The following DLGAP2 variants were observed in gnomAD, a reference collection of about 807,000 sequenced individuals.
The protein encoded by DLGAP2 is disks large-associated protein 2.
A neutral mutation model predicts 100.3 loss-of-function variants in DLGAP2; 26 were observed. The ratio of observed to expected loss-of-function variants is 0.26; its 90% CI spans 0.19 to 0.36. The LOEUF is 0.36. Among genes scored for constraint, DLGAP2 ranks in the 10% least tolerant of loss-of-function variants. The probability of loss-of-function intolerance (pLI) is 1.00; values close to 1 mark genes in which losing one functional copy is unlikely to be tolerated. For missense variants in DLGAP2, 1,858 were observed against 1,453.2 expected, an observed-to-expected ratio of 1.28 and a Z score of -4.53; for synonymous variants, 886 against 630.1, an observed-to-expected ratio of 1.41 and a Z score of -6.08.
chr8:1,379,576 C>G (rs1349281920), intron 3 of DLGAP2: 2 of 152,216 alleles, frequency 1.3e-5, no homozygotes, highest in African/African-American at 2.4e-5. Context: ...AGAACCGTAA[C>G]CGCTGTCATC....
intron 6 of DLGAP2, among the ~76,000 whole-genome samples, chr8:1,582,877 G>A (rs1381927047): frequency 4.6e-5 from 7 of 152,138 alleles, no homozygotes; most frequent in Admixed American, 4.6e-4. Flanking sequence ...AGTTCTTTAA[G>A]CATGGCTCTG....
At chr8:911,077 C>T (rs1224942146) in intron 2 of DLGAP2, among the ~76,000 whole-genome samples, 2 of 152,060 alleles carry the variant, frequency 1.3e-5, no homozygotes, top group African/African-American at 2.4e-5. Context: ...CATGACGAGT[C>T]GCTGTTTTCT....
At chr8:1,221,983 C>T (rs1328269136) in intron 2 of DLGAP2, among the ~76,000 whole-genome samples, 3 of 152,166 alleles carry the variant, frequency 2.0e-5, no homozygotes, top group African/African-American at 4.8e-5. Flanking sequence ...TGTCGTTCAA[C>T]TGTTGGACCA....
At chr8:1,023,525 G>A (rs1339916852) in intron 2 of DLGAP2, among the ~76,000 whole-genome samples, 1 of 152,152 alleles carries the variant, frequency 6.6e-6, no homozygotes, top group Admixed American at 6.5e-5. Flanking sequence ...AGCAACAAGC[G>A]AGTTACTGAG....
chr8:1,509,152 A>G (rs1396228169), intron 4 of DLGAP2, among the ~76,000 whole-genome samples: 1 of 151,930 alleles, frequency 6.6e-6, no homozygotes, highest in East Asian at 1.9e-4. Context: ...CTAAAGCTGT[A>G]AAACCCCGTC....
At chr8:1,576,286 A>G (rs1160262135) in intron 6 of DLGAP2, among the ~76,000 whole-genome samples, 2 of 152,188 alleles carry the variant, frequency 1.3e-5, no homozygotes, top group Admixed American at 1.3e-4. Context: ...GTGTCTGTTC[A>G]TGTCCTTCGC....
chr8:996,100 C>T (rs994844130), intron 2 of DLGAP2, among the ~76,000 whole-genome samples: 1 of 152,134 alleles, frequency 6.6e-6, no homozygotes, highest in African/African-American at 2.4e-5. Flanking sequence ...TTCCTCAGAC[C>T]AGTATGCTGT....
chr8:1,481,748 G>T (rs1482545253), intron 3 of DLGAP2, among the ~76,000 whole-genome samples: 3 of 152,120 alleles, frequency 2.0e-5, no homozygotes, highest in African/African-American at 7.2e-5. Flanking sequence ...AAAGTTCTGG[G>T]ATTACAGGCA....
Position 1,676,595 on chromosome 8 carries a change from G to T in DLGAP2, c.2265G>T (p.Gly755=), listed in dbSNP as rs767793627. The T allele has an allele frequency of 8.1e-6, 13 of 1,613,050 alleles. No individual in the cohort carries two copies. In the African/African-American group the frequency reaches 9.3e-5, roughly 12 times the overall value. ...GTCTGCGGGAATACCACTCTGTCGG[G>T]GTGCAAGTGGAAGATGAGAAGCGGT... ...SRGLREYHSV[G]VQVEDEKRHG... Residue 755 remains glycine, a synonymous_variant, in exon 11 of 15, where the codon GGG becomes GGT. Transcript: ENST00000637795.
intron 5 of DLGAP2, among the ~76,000 whole-genome samples, chr8:1,553,666 C>G (rs915629481): frequency 6.6e-6 from 1 of 152,244 alleles, no homozygotes; most frequent in African/African-American, 2.4e-5. Flanking sequence ...TGCTCCCGCC[C>G]TCTGCAGCCG....
chr8:1,478,590 C>T (rs1051310056), intron 3 of DLGAP2, among the ~76,000 whole-genome samples: 1 of 152,150 alleles, frequency 6.6e-6, no homozygotes, highest in African/African-American at 2.4e-5. Context: ...TGGTCCGGGA[C>T]GCGGCACCTG....
rs1243201227 is a variant in DLGAP2 at position 1,192,033 on chromosome 8, C to T, written c.74-66818C>T. 3.9e-5 allele frequency among the ~76,000 whole-genome samples: 6 copies of T among 152,326 alleles called. No homozygotes were observed. The East Asian group carries it at 9.6e-4, about 24-fold the overall frequency. ...GTTCCGGTTACCTTGTATGACTGGA[C>T]ATTCGTAGCCGCTGCCAGCCTCCCA... is the stretch of plus-strand genomic sequence containing the variant. On this transcript the variant is annotated intron_variant, in intron 2 of 14. Transcript: ENST00000637795.
intron 2 of DLGAP2, among the ~76,000 whole-genome samples, chr8:1,057,160 C>G (rs1265795044): frequency 1.3e-5 from 2 of 152,182 alleles, no homozygotes; most frequent in African/African-American, 4.8e-5. Flanking sequence ...TGTGAGAATA[C>G]TTTTTACCCT....
chr8:1,318,403 A>G (rs889535800), intron 3 of DLGAP2, among the ~76,000 whole-genome samples: 12 of 151,272 alleles, frequency 7.9e-5, no homozygotes, highest in African/African-American at 2.7e-4. Flanking sequence ...CCCACTGTCC[A>G]TATCTAGTTC....
chr8:1,304,238 C>A (rs1162950530), intron 3 of DLGAP2, among the ~76,000 whole-genome samples: 1 of 152,186 alleles, frequency 6.6e-6, no homozygotes, highest in Non-Finnish European at 1.5e-5. Context: ...CCTGTAGGAG[C>A]CCTGAGCATG....
chr8:886,968 T>C (rs1431374528), intron 1 of DLGAP2, among the ~76,000 whole-genome samples: 2 of 152,170 alleles, frequency 1.3e-5, no homozygotes, highest in Admixed American at 6.5e-5. Flanking sequence ...GACAGTGGGG[T>C]GCTAAAGTTT....
intron 2 of DLGAP2, among the ~76,000 whole-genome samples, chr8:1,096,501 A>C (rs2600510): frequency 6.6e-6 from 1 of 151,718 alleles, no homozygotes; most frequent in African/African-American, 2.4e-5. Context: ...GGGACTCATC[A>C]AGCTCTGTGG....
intron 2 of DLGAP2, among the ~76,000 whole-genome samples, chr8:1,168,296 G>A (rs919046242): frequency 2.0e-5 from 3 of 151,738 alleles, no homozygotes; most frequent in African/African-American, 7.3e-5. Context: ...GGACATTTGG[G>A]TTGGTTCCAA....
chr8:1,667,394 A>C (rs956228008), intron 8 of DLGAP2, among the ~76,000 whole-genome samples: 11 of 151,972 alleles, frequency 7.2e-5, no homozygotes, highest in Non-Finnish European at 1.6e-4. Flanking sequence ...ATGCAACTCG[A>C]GTTTGGGAGG....
Sources: allele counts gnomAD v4.1 joint callset (sites outside exome capture counted in the v4.1 genomes callset), GRCh38; gene constraint gnomAD v4.1.1; transcripts MANE v1.5; gene names NCBI Gene and HGNC (gene_info 2026-07-23, HGNC 2026-07-21).